The following MEGF10 variants were observed in gnomAD, a reference collection of about 807,000 sequenced individuals.
MEGF10 encodes the protein multiple epidermal growth factor-like domains protein 10.
A neutral mutation model predicts 147.5 loss-of-function variants in MEGF10; 86 were observed. The ratio of observed to expected loss-of-function variants is 0.58; its 90% CI spans 0.49 to 0.70. The LOEUF (loss-of-function observed/expected upper bound fraction) is 0.70, where lower values mean the gene tolerates loss of function less well. MEGF10 is among the 30% of genes least tolerant of loss of function. The probability of loss-of-function intolerance (pLI) is 0.00; values close to 1 mark genes in which losing one functional copy is unlikely to be tolerated. For synonymous variants in MEGF10, 478 were observed against 525.5 expected (o/e 0.91, Z 1.24); for missense variants, 1,329 against 1,487.3 (o/e 0.89, Z 1.75).
At chr5:127,233,615 T>C in the MEGF10 span, among the ~76,000 whole-genome samples, 1 of 152,226 alleles carries the variant, frequency 6.6e-6, no homozygotes, top group Non-Finnish European at 1.5e-5. Flanking sequence ...CACTTAAGGT[T>C]AATGAATAAT....
chr5:127,283,743 C>T, the MEGF10 span, among the ~76,000 whole-genome samples: 2 of 152,084 alleles, frequency 1.3e-5, no homozygotes, highest in African/African-American at 4.8e-5. Flanking sequence ...CATTAAAGTT[C>T]GAGAAGCATC....
At chr5:127,240,742 T>C in the MEGF10 span, among the ~76,000 whole-genome samples, 1 of 152,228 alleles carries the variant, frequency 6.6e-6, no homozygotes, top group Non-Finnish European at 1.5e-5. Context: ...AAATATTGTT[T>C]TCTAAAATTA....
intron 12 of MEGF10, among the ~76,000 whole-genome samples, chr5:127,420,417 A>G (rs1764952885): frequency 6.6e-6 from 1 of 151,940 alleles, no homozygotes; most frequent in Admixed American, 6.6e-5. Flanking sequence ...CTCTGCGAGA[A>G]TTTCTTCCTT....
At chr5:127,446,360 A>G (rs555946521) in intron 20 of MEGF10, among the ~76,000 whole-genome samples, 1 of 152,364 alleles carries the variant, frequency 6.6e-6, no homozygotes, top group African/African-American at 2.4e-5. Flanking sequence ...GGTTGGTTAC[A>G]TGTTTAAAAC....
At chr5:127,264,778 A>G in the MEGF10 span, among the ~76,000 whole-genome samples, 1 of 152,194 alleles carries the variant, frequency 6.6e-6, no homozygotes, top group East Asian at 1.9e-4. Context: ...GCTGCTTCAG[A>G]AAATGTGAAT....
Position 127,396,518 on chromosome 5 carries a change from C to G in MEGF10, c.413-14C>G, listed in dbSNP as rs971697063. ...TTACCCACTGATATCCACTGTTTCT[C>G]TCCTCAATCTCAGCCTGCGATGGTG... On this transcript the variant is annotated splice_polypyrimidine_tract_variant and intron_variant, in intron 5 of 24. Coordinates refer to ENST00000503335, the MANE Select transcript of MEGF10 (RefSeq NM_001256545.2). 6.6e-7 allele frequency: 1 copy of G among 1,515,590 alleles called. No individual in the cohort carries two copies. Among genetic ancestry groups the G allele is most frequent in the African/African-American group, 1.4e-5 (1 of 71,996 alleles). 93.9% of individuals were successfully genotyped at this position (1,515,590 alleles called of 1,614,324 possible).
intron 7 of MEGF10, among the ~76,000 whole-genome samples, chr5:127,401,237 G>A (rs573283132): frequency 4.6e-5 from 7 of 152,250 alleles, no homozygotes; most frequent in African/African-American, 7.2e-5. Context: ...AGACTAGAGC[G>A]ATTTTTACAT....
At chr5:127,310,210 A>G (rs975463775) in intron 1 of MEGF10, among the ~76,000 whole-genome samples, 6 of 151,428 alleles carry the variant, frequency 4.0e-5, no homozygotes, top group Non-Finnish European at 7.4e-5. Context: ...CCATTGGTAT[A>G]TCTTCTTTTA....
intron 1 of MEGF10, among the ~76,000 whole-genome samples, chr5:127,327,905 C>T (rs1433088268): frequency 6.6e-6 from 1 of 151,916 alleles, no homozygotes; most frequent in East Asian, 1.9e-4. Context: ...TTAGTAGAGA[C>T]AGGGTTTCAC....
intron 12 of MEGF10, 101 bp from the exon 13 acceptor site, chr5:127,422,569 G>A (rs1765054108): frequency 1.2e-6 from 1 of 842,810 alleles, no homozygotes; most frequent in South Asian, 1.4e-5. Context: ...GTTTGGGACA[G>A]CAGGGTACTG....
intron 18 of MEGF10, 56 bp from the exon 19 acceptor site, chr5:127,442,942 C>T (rs1156256656): frequency 6.4e-7 from 1 of 1,566,954 alleles, no homozygotes; most frequent in African/African-American, 1.4e-5. Context: ...CAGTCAGAGA[C>T]AGCCTTGCTC....
chr5:127,250,128 A>G, the MEGF10 span, among the ~76,000 whole-genome samples: 2 of 152,102 alleles, frequency 1.3e-5, no homozygotes, highest in East Asian at 3.8e-4. Flanking sequence ...TACAAATAGT[A>G]ACCATGAATA....
In MEGF10 at chr5:127,454,620, A is replaced by G; in HGVS notation, c.3025+10A>G. 6.2e-7 allele frequency: 1 copy of G among 1,600,846 alleles called. No individual in the cohort carries two copies. The highest frequency in any genetic ancestry group is 1.1e-5 in the South Asian group (1 of 87,556). On this transcript the variant is annotated intron_variant, in intron 23 of 24. Coordinates refer to ENST00000503335, the MANE Select transcript of MEGF10 (RefSeq NM_001256545.2). ...GGAAAATCCTTAAAAGGTATCATGT[A>G]AATTTGAAGAAGAAATCAGAAGCAC... is the stretch of plus-strand genomic sequence containing the variant.
the MEGF10 span, among the ~76,000 whole-genome samples, chr5:127,247,842 G>C: frequency 6.6e-6 from 1 of 152,200 alleles, no homozygotes; most frequent in East Asian, 1.9e-4. Flanking sequence ...GGAATTTGCA[G>C]GGTAGGATTC....
At chr5:127,396,286 G>A (rs1036566600) in intron 5 of MEGF10, among the ~76,000 whole-genome samples, 2 of 152,140 alleles carry the variant, frequency 1.3e-5, no homozygotes, top group African/African-American at 4.8e-5. Context: ...GTAAAGGCAT[G>A]GAGACTTTTT....
Position 127,445,440 on chromosome 5 carries a change from C to A in MEGF10, c.2492-17C>A. 1 of 1,590,298 alleles carries A rather than the reference C, an allele frequency of 6.3e-7. No homozygotes were observed. Among genetic ancestry groups the A allele is most frequent in the East Asian group, 2.2e-5 (1 of 44,756 alleles). ...AGCACATTGTCATCCTTTCTCAAGT[C>A]TCTCTTCTTTTTCTAGCTGGTGTTA... On this transcript the variant is annotated splice_polypyrimidine_tract_variant and intron_variant, in intron 19 of 24. Transcript: ENST00000503335.
intron 22 of MEGF10, 52 bp from the exon 23 acceptor site, chr5:127,454,514 T>G (rs1580892031): frequency 6.5e-7 from 1 of 1,542,852 alleles, no homozygotes. Flanking sequence ...TTGGATGGGG[T>G]TTTTCTTCCT....
intron 9 of MEGF10, among the ~76,000 whole-genome samples, chr5:127,414,051 C>T (rs1764667403): frequency 6.6e-6 from 1 of 152,194 alleles, no homozygotes; most frequent in African/African-American, 2.4e-5. Flanking sequence ...TTAAACCAAT[C>T]TATCACTTGA....
intron 1 of MEGF10, among the ~76,000 whole-genome samples, chr5:127,320,739 C>G (rs1227503504): frequency 6.6e-6 from 1 of 152,188 alleles, no homozygotes; most frequent in Admixed American, 6.6e-5. Flanking sequence ...ATCTTCAAAG[C>G]CTTTGACAAT....
Sources: gnomAD v4.1 joint callset for allele counts (sites outside exome capture counted in the v4.1 genomes callset) on GRCh38, gnomAD v4.1.1 for gene constraint, MANE v1.5 for transcripts, NCBI Gene and HGNC (gene_info 2026-07-23, HGNC 2026-07-21) for gene names.